The following SAFB variants were observed in gnomAD, a reference collection of about 807,000 sequenced individuals.
SAFB encodes scaffold attachment factor B, also known as scaffold attachment factor B1.
Under a neutral mutation model 101.6 loss-of-function variants are expected in SAFB, and 15 were observed. That is an observed-to-expected ratio of 0.15 (90% CI 0.10 to 0.23). The LOEUF (loss-of-function observed/expected upper bound fraction) is 0.23, where lower values mean the gene tolerates loss of function less well. SAFB is among the 10% of genes least tolerant of loss of function. The pLI, the probability that SAFB is intolerant of heterozygous loss-of-function variation, is 1.00. For synonymous variants in SAFB, 449 were observed against 407.5 expected, an observed-to-expected ratio of 1.10 and a Z score of -1.23; for missense variants, 930 against 1,104.1, an observed-to-expected ratio of 0.84 and a Z score of 2.23.
At chr19:5,632,387 A>G (rs529374919) in intron 2 of SAFB, among the ~76,000 whole-genome samples, 2 of 152,320 alleles carry the variant, frequency 1.3e-5, no homozygotes, top group Admixed American at 1.3e-4. Flanking sequence ...GTAAGTTGCA[A>G]GGCGCATATG....
At chr19:5,653,928 A>T in intron 11 of SAFB, 133 bp from the exon 12 acceptor site, 2 of 703,964 alleles carry the variant, frequency 2.8e-6, no homozygotes, top group Non-Finnish European at 2.4e-6. Context: ...TTTAGTAGAG[A>T]TGGGGTTTCA....
At chr19:5,662,099 A>G (rs1291543411) in intron 15 of SAFB, among the ~76,000 whole-genome samples, 1 of 151,988 alleles carries the variant, frequency 6.6e-6, no homozygotes, top group Admixed American at 6.6e-5. Context: ...GTTAGCCAGG[A>G]TGGTCTCTAT....
intron 14 of SAFB, among the ~76,000 whole-genome samples, chr19:5,660,501 C>G (rs1347359797): frequency 6.6e-6 from 1 of 151,374 alleles, no homozygotes; most frequent in Non-Finnish European, 1.5e-5. Flanking sequence ...CCACGCCTGG[C>G]TAATATTATT....
chr19:5,660,385 C>G (rs1186748712), intron 14 of SAFB, among the ~76,000 whole-genome samples: 1 of 112,624 alleles, frequency 8.9e-6, no homozygotes, highest in East Asian at 3.1e-4. Flanking sequence ...CAGGGTCTCA[C>G]TCTTTCACCC....
rs1447483535 is a variant in SAFB at position 5,668,218 on chromosome 19, G to A, written c.2681G>A (p.Gly894Asp). ...ASRGHPIPHG[G>D]MQGGFGGQSR... The stretch of plus-strand genomic sequence containing the variant: ...CGGGGCCACCCCATCCCACACGGTG[G>A]CATGCAGGGCGGGTTTGGAGGCCAG... Residue 894 changes from glycine (G) to aspartate (D), a missense_variant, in exon 21 of 21, where the codon GGC (glycine) becomes GAC (aspartate). Transcript: ENST00000588852. 1 of 1,609,930 alleles carries A rather than the reference G, an allele frequency of 6.2e-7. No individual in the cohort carries two copies. The highest frequency in any genetic ancestry group is 1.7e-5 in the Admixed American group (1 of 58,734).
intron 14 of SAFB, among the ~76,000 whole-genome samples, chr19:5,659,387 C>CT (rs879802096): frequency 0.023 from 3,379 of 148,818 alleles, 86 homozygotes; most frequent in African/African-American, 0.064. Flanking sequence ...CTTTTATTCC[C>CT]TTTTTTTTTT....
intron 2 of SAFB, among the ~76,000 whole-genome samples, chr19:5,631,502 C>G (rs1244057878): frequency 2.0e-5 from 3 of 152,104 alleles, no homozygotes; most frequent in African/African-American, 7.2e-5. Context: ...TGGGTTTTAT[C>G]AAGATTTTAA....
chr19:5,664,299 G>C, intron 16 of SAFB, 98 bp from the exon 17 acceptor site: 1 of 1,447,358 alleles, frequency 6.9e-7, no homozygotes, highest in Admixed American at 1.7e-5. Flanking sequence ...CCTGCCTTCA[G>C]TTAGGGAAAT....
intron 2 of SAFB, 25 bp from the exon 3 acceptor site, chr19:5,641,569 A>G (rs1262325363): frequency 6.2e-7 from 1 of 1,601,928 alleles, no homozygotes; most frequent in Non-Finnish European, 8.5e-7. Flanking sequence ...ATTTGATCTC[A>G]TGCTGTAAAT....
At position 5,631,525 on chromosome 19, in the gene SAFB, G is replaced by A. The variant is rs1426602371; in HGVS notation, c.274+5036G>A. Among the ~76,000 whole-genome samples, 3 of 152,118 alleles carry A rather than the reference G, an allele frequency of 2.0e-5. 1 individual carries two copies. The highest frequency in any genetic ancestry group is 2.4e-5 in the African/African-American group (1 of 41,412). On this transcript the variant is annotated intron_variant, in intron 2 of 20. Coordinates refer to ENST00000588852, the MANE Select transcript of SAFB (RefSeq NM_001201338.2). ...ATCAAGATTTTAACTGAAAATAGAGGGACTGCTGTAATGTGTGAATTCAAA... is the reference window on the plus strand; with the variant it reads ...ATCAAGATTTTAACTGAAAATAGAGAGACTGCTGTAATGTGTGAATTCAAA...
intron 15 of SAFB, 127 bp from the exon 16 acceptor site, chr19:5,663,895 A>C (rs2054270774): frequency 1.9e-6 from 2 of 1,034,768 alleles, no homozygotes; most frequent in Non-Finnish European, 2.8e-6. Context: ...CTTGCCTCCT[A>C]TAGGAGAGAA....
Position 5,631,147 on chromosome 19 carries a change from G to A in SAFB, c.274+4658G>A, listed in dbSNP as rs766870994. ...GGAGGTTGCAGTGAGCTGAGATCAT[G>A]CTGCTGCACTCCAGCCTGGGCAACA... On this transcript the variant is annotated intron_variant, in intron 2 of 20. Transcript: ENST00000588852. 2.7e-4 allele frequency among the ~76,000 whole-genome samples: 41 copies of A among 152,158 alleles called. 1 individual carries two copies. The highest frequency in any genetic ancestry group is 1.2e-4 in the Non-Finnish European group (8 of 68,042).
Position 5,667,611 on chromosome 19 carries a change from G to T in SAFB, c.2557+161G>T. On this transcript the variant is annotated intron_variant, in intron 19 of 20. Transcript: ENST00000588852. This position sits in a 1 kb window ranked among gnomAD's most constrained non-coding sequence, Gnocchi z 4.0. ...GACACCGCCTGCTCTCTGGTGGTCT[G>T]GCCCAGGAGTTGGACAGTGGGCGTT... 1 of 702,980 alleles carries T rather than the reference G, an allele frequency of 1.4e-6. No individual in the cohort carries two copies. The highest frequency in any genetic ancestry group is 2.4e-6 in the Non-Finnish European group (1 of 412,216). The allele number at this position is 702,980 out of a possible 1,614,324, so 43.5% of individuals were successfully genotyped here. A position where few individuals can be genotyped will look rare whatever the true frequency, so the allele number is the denominator to read the frequency against.
intron 15 of SAFB, among the ~76,000 whole-genome samples, chr19:5,663,024 C>T (rs1313586940): frequency 3.3e-5 from 5 of 149,790 alleles, no homozygotes; most frequent in Non-Finnish European, 5.9e-5. Flanking sequence ...TTTTTTGAGA[C>T]GGAGTTTTGC....
chr19:5,645,219 G>A, intron 4 of SAFB, 118 bp from the exon 5 acceptor site: 1 of 571,350 alleles, frequency 1.8e-6, no homozygotes, highest in Non-Finnish European at 3.2e-6. Flanking sequence ...TTCTGCCCTG[G>A]GTTTAAAATT....
Position 5,667,351 on chromosome 19 carries a change from A to G in SAFB, c.2458A>G (p.Arg820Gly). ...CAGAGATGTCTCTCTTTCAAGGGGC[A>G]GACGTGACTGGGGGGACCATGGCCG... ...GRGLPPPPRG[R>G]RDWGDHGRRE... Residue 820 changes from arginine (R) to glycine (G), a missense_variant, in exon 19 of 21, where the codon AGA becomes GGA. By Grantham distance (125) the Arg-to-Gly change is moderately radical (BLOSUM62 -2). Transcript: ENST00000588852. This position sits in a 1 kb window ranked among gnomAD's most constrained non-coding sequence, Gnocchi z 4.0. 6.7e-7 allele frequency: 1 copy of G among 1,496,182 alleles called. No individual in the cohort carries two copies. Among genetic ancestry groups the G allele is most frequent in the East Asian group, 2.5e-5 (1 of 40,354 alleles). The allele number at this position is 1,496,182 out of a possible 1,614,324, so 92.7% of individuals were successfully genotyped here.
intron 1 of SAFB, among the ~76,000 whole-genome samples, chr19:5,625,424 C>T (rs1479530899): frequency 1.3e-5 from 2 of 152,138 alleles, no homozygotes; most frequent in African/African-American, 4.8e-5. Flanking sequence ...TTTGTTGCTG[C>T]TGGTAAAGAT....
At chr19:5,655,992 T>C (rs941473710) in intron 13 of SAFB, among the ~76,000 whole-genome samples, 12 of 152,222 alleles carry the variant, frequency 7.9e-5, no homozygotes, top group Non-Finnish European at 8.8e-5. Flanking sequence ...TATGAAGTTT[T>C]CGGGGGCAAT....
intron 15 of SAFB, among the ~76,000 whole-genome samples, chr19:5,663,067 A>G (rs1197027634): frequency 6.6e-6 from 1 of 151,932 alleles, no homozygotes; most frequent in African/African-American, 2.4e-5. Flanking sequence ...CAATGGCGTG[A>G]TCTCAGCTCA....
Sources: allele counts gnomAD v4.1 joint callset (sites outside exome capture counted in the v4.1 genomes callset), GRCh38; gene constraint gnomAD v4.1.1; non-coding constraint Gnocchi (gnomAD v3.1); transcripts MANE v1.5; gene names NCBI Gene and HGNC (gene_info 2026-07-23, HGNC 2026-07-21).